The following CHRM5 variants were observed in gnomAD, a reference collection of about 807,000 sequenced individuals.
CHRM5 encodes cholinergic receptor muscarinic 5.
Under a neutral mutation model 39.0 loss-of-function variants are expected in CHRM5, and 18 were observed. The ratio of observed to expected loss-of-function variants is 0.46; its 90% confidence interval spans 0.32 to 0.68. The LOEUF (loss-of-function observed/expected upper bound fraction) is 0.68, where lower values mean the gene tolerates loss of function less well. Among genes scored for constraint, CHRM5 ranks in the 30% least tolerant of loss-of-function variants. The probability of loss-of-function intolerance (pLI) is 0.04; values close to 1 mark genes in which losing one functional copy is unlikely to be tolerated. For synonymous variants in CHRM5, 241 were observed against 246.3 expected, an observed-to-expected ratio of 0.98 and a Z score of 0.20; for missense variants, 515 against 651.1, an observed-to-expected ratio of 0.79 and a Z score of 2.28.
chr15:34,027,869 T>G (rs1022430510), intron 1 of CHRM5, among the ~76,000 whole-genome samples: 2 of 148,864 alleles, frequency 1.3e-5, no homozygotes, highest in South Asian at 4.2e-4. Flanking sequence ...AGGAAAAAAC[T>G]GAGGAACAAG....
intron 1 of CHRM5, chr15:34,039,100 C>T: frequency 9.4e-7 from 1 of 1,066,322 alleles, no homozygotes. Flanking sequence ...GGCGGAGACG[C>T]CCTGGCCCCA....
chr15:33,975,127 C>T (rs1018842660), intron 1 of CHRM5, among the ~76,000 whole-genome samples: 1 of 152,170 alleles, frequency 6.6e-6, no homozygotes, highest in African/African-American at 2.4e-5. Flanking sequence ...AAGCTTAGAG[C>T]CCGCAGGTCC....
At chr15:34,001,042 C>T (rs531828454) in intron 1 of CHRM5, among the ~76,000 whole-genome samples, 3 of 128,302 alleles carry the variant, frequency 2.3e-5, no homozygotes, top group African/African-American at 3.4e-5. Flanking sequence ...TTTTTTGAGA[C>T]GGAGTTTTGC....
intron 1 of CHRM5, among the ~76,000 whole-genome samples, chr15:34,032,676 A>T (rs146596210): frequency 1.6e-4 from 24 of 152,312 alleles, no homozygotes; most frequent in Middle Eastern, 3.4e-3. Context: ...TTTTTCAGGG[A>T]ATCAACTTCC....
intron 1 of CHRM5, among the ~76,000 whole-genome samples, chr15:34,042,407 T>G (rs548179111): frequency 2.1e-4 from 31 of 150,788 alleles, no homozygotes; most frequent in East Asian, 9.7e-4. Context: ...TTTTTTTTTT[T>G]TTTTTTTTTT....
At chr15:34,043,169 C>A (rs1899547746) in intron 1 of CHRM5, among the ~76,000 whole-genome samples, 2 of 151,666 alleles carry the variant, frequency 1.3e-5, no homozygotes, top group South Asian at 4.2e-4. Context: ...ATGGCGTGAA[C>A]CTGGGAGGCA....
At chr15:34,015,558 G>A (rs542518783) in intron 1 of CHRM5, among the ~76,000 whole-genome samples, 100 of 152,214 alleles carry the variant, frequency 6.6e-4, no homozygotes, top group African/African-American at 2.3e-3. Flanking sequence ...ACTGTTTTAG[G>A]ATAATTTGGG....
At chr15:33,992,305 G>A (rs773438005) in intron 1 of CHRM5, among the ~76,000 whole-genome samples, 15 of 152,182 alleles carry the variant, frequency 9.9e-5, no homozygotes, top group Non-Finnish European at 2.1e-4. Context: ...GAGGAGAATG[G>A]CGTCAGCCCG....
At chr15:34,019,402 A>G (rs1898106737) in intron 1 of CHRM5, among the ~76,000 whole-genome samples, 1 of 152,244 alleles carries the variant, frequency 6.6e-6, no homozygotes, top group Admixed American at 6.5e-5. Flanking sequence ...AAAGTTTATA[A>G]AGTAAGAAAA....
Position 34,062,979 on chromosome 15 carries a change from A to T in CHRM5, c.262A>T (p.Thr88Ser). 1 of 1,613,816 alleles carries T rather than the reference A, an allele frequency of 6.2e-7. No homozygotes were observed. The highest frequency in any genetic ancestry group is 8.5e-7 in the Non-Finnish European group (1 of 1,179,936). ...TGGAATCTTCTCCATGAACCTCTAC[A>T]CCACCTACATCCTCATGGGACGCTG... ...IIGIFSMNLYTTYILMGRWAL... is the reference protein window; with the variant it reads ...IIGIFSMNLYSTYILMGRWAL... Residue 88 changes from threonine to serine, a missense_variant, in exon 3 of 3, where the codon ACC becomes TCC. Coordinates refer to ENST00000383263, the MANE Select transcript of CHRM5 (RefSeq NM_012125.4).
At chr15:34,054,390 G>A (rs1184348886) in intron 2 of CHRM5, among the ~76,000 whole-genome samples, 2 of 152,140 alleles carry the variant, frequency 1.3e-5, no homozygotes, top group Non-Finnish European at 2.9e-5. Context: ...TATGTTCACT[G>A]CAGCACTATC....
intron 1 of CHRM5, among the ~76,000 whole-genome samples, chr15:34,045,119 T>C (rs1899637893): frequency 6.6e-6 from 1 of 152,242 alleles, no homozygotes. Flanking sequence ...GTCACCTGAA[T>C]TTGGTCTAAA....
At chr15:34,013,454 C>T (rs1031187399) in intron 1 of CHRM5, among the ~76,000 whole-genome samples, 1 of 152,202 alleles carries the variant, frequency 6.6e-6, no homozygotes. Context: ...CTAAGTGGCA[C>T]TTATTGTTAC....
At chr15:34,033,208 T>C (rs1898943819) in intron 1 of CHRM5, among the ~76,000 whole-genome samples, 1 of 152,132 alleles carries the variant, frequency 6.6e-6, no homozygotes, top group Non-Finnish European at 1.5e-5. Flanking sequence ...TTTACCTTTA[T>C]GTTTAATAAC....
rs1294640181 is a variant in CHRM5, at chr15:34,065,533, C to T, written c.*1217C>T. 6.6e-6 allele frequency: 1 copy of T among 152,080 alleles called. No individual in the cohort carries two copies. Among genetic ancestry groups the T allele is most frequent in the African/African-American group, 2.4e-5 (1 of 41,400 alleles). The allele number at this position is 152,080 out of a possible 1,614,324, so 9.4% of individuals were successfully genotyped here. A position where few individuals can be genotyped will look rare whatever the true frequency, so the allele number is the denominator to read the frequency against. On this transcript the variant is annotated 3_prime_UTR_variant, in exon 3 of 3. Coordinates refer to ENST00000383263, the MANE Select transcript of CHRM5 (RefSeq NM_012125.4). ...TAAAAATGACTTCTTTATTCCTCTC[C>T]AAATTCGGTCACAAATGAGAAGGCC...
intron 1 of CHRM5, among the ~76,000 whole-genome samples, chr15:34,002,297 G>A (rs1428031887): frequency 1.3e-5 from 2 of 152,248 alleles, no homozygotes; most frequent in Non-Finnish European, 2.9e-5. Flanking sequence ...CTGTCACGCT[G>A]CCCCTTTATA....
At chr15:34,035,592 A>G (rs1899076515) in intron 1 of CHRM5, among the ~76,000 whole-genome samples, 2 of 152,202 alleles carry the variant, frequency 1.3e-5, no homozygotes, top group Admixed American at 1.3e-4. Flanking sequence ...GAGTTATTTA[A>G]CGGTGCCTCA....
At chr15:33,973,825 T>A (rs1254930812) in intron 1 of CHRM5, among the ~76,000 whole-genome samples, 1 of 152,228 alleles carries the variant, frequency 6.6e-6, no homozygotes, top group Non-Finnish European at 1.5e-5. Context: ...CAGGACTAGT[T>A]AATCAGCAGA....
chr15:34,030,114 C>A (rs1429968617), intron 1 of CHRM5, among the ~76,000 whole-genome samples: 1 of 151,968 alleles, frequency 6.6e-6, no homozygotes, highest in African/African-American at 2.4e-5. Context: ...ATTAGCCAGG[C>A]ATGGTGGCAC....
Sources: gnomAD v4.1 joint callset for allele counts (sites outside exome capture counted in the v4.1 genomes callset) on GRCh38, gnomAD v4.1.1 for gene constraint, MANE v1.5 for transcripts, NCBI Gene and HGNC (gene_info 2026-07-23, HGNC 2026-07-21) for gene names.